Variants in CABIN1 observed in about 807,000 individuals in gnomAD.
The protein encoded by CABIN1 is calcineurin binding protein 1, also known as calcineurin-binding protein cabin-1.
In CABIN1, 133 loss-of-function variants were observed where a neutral mutation model predicts 227.7. The observed-to-expected ratio is 0.58, with a 90% CI of 0.51 to 0.67. The LOEUF (loss-of-function observed/expected upper bound fraction) is 0.67. Ranked by LOEUF, CABIN1 falls within the 30% of genes least tolerant of loss-of-function variation. The probability of loss-of-function intolerance (pLI) is 0.00; values close to 1 mark genes in which losing one functional copy is unlikely to be tolerated. For missense variants in CABIN1, 2,408 were observed against 2,852.5 expected, an observed-to-expected ratio of 0.84 and a Z score of 3.55; for synonymous variants, 1,086 against 1,155.1, an observed-to-expected ratio of 0.94 and a Z score of 1.21.
chr22:24,025,741 C>T, intron 1 of CABIN1, among the ~76,000 whole-genome samples: 1 of 152,248 alleles, frequency 6.6e-6, no homozygotes, highest in African/African-American at 2.4e-5. Context: ...GTGGTGCAAT[C>T]TCAGCTTACT....
At chr22:24,076,029 A>G (rs2040415400) in intron 18 of CABIN1, 140 bp from the exon 19 acceptor site, 2 of 659,094 alleles carry the variant, frequency 3.0e-6, no homozygotes, top group African/African-American at 3.7e-5. Context: ...GCAAAAAAAA[A>G]AAAAAAAGGG....
intron 27 of CABIN1, among the ~76,000 whole-genome samples, chr22:24,118,071 G>T (rs906035477): frequency 1.3e-5 from 2 of 152,224 alleles, no homozygotes; most frequent in Non-Finnish European, 2.9e-5. Flanking sequence ...AGGGTAGGGG[G>T]AGGGGGCAGC....
chr22:24,084,767 T>C lies in CABIN1; in HGVS notation c.3099T>C (p.Ile1033=). 1 of 1,614,174 alleles carries C rather than the reference T, an allele frequency of 6.2e-7. No individual in the cohort carries two copies. The highest frequency in any genetic ancestry group is 8.5e-7 in the Non-Finnish European group (1 of 1,180,022). Residue 1033 remains isoleucine (I), a synonymous_variant, in exon 21 of 37, where the codon ATT becomes ATC. Coordinates refer to ENST00000263119, the MANE Select transcript of CABIN1 (RefSeq NM_012295.4). ...GCCTGGACAAAGTCTCTGCCTACAT[T>C]GAGGGAACTTCAACTGAGGTGGGCC... The part of the protein sequence containing the change: ...ALSLDKVSAY[I]EGTSTEVPCL...
chr22:24,066,411 T>C (rs1006451587), intron 15 of CABIN1, among the ~76,000 whole-genome samples: 1 of 152,236 alleles, frequency 6.6e-6, no homozygotes, highest in Non-Finnish European at 1.5e-5. Context: ...GTGGCCTATA[T>C]GCCAAGTTCC....
chr22:24,025,268 T>C (rs758286795), intron 1 of CABIN1, among the ~76,000 whole-genome samples: 17 of 152,214 alleles, frequency 1.1e-4, no homozygotes, highest in Non-Finnish European at 2.4e-4. Context: ...CACTGTAGAT[T>C]CTGTTCCATT....
rs757525585 is a variant in CABIN1 at position 24,167,126 on chromosome 22, C to A, written c.5495C>A (p.Ala1832Glu). Residue 1832 changes from alanine (A) to glutamate (E), a missense_variant, in exon 32 of 37, where the codon GCA becomes GAA. Coordinates refer to ENST00000263119, the MANE Select transcript of CABIN1 (RefSeq NM_012295.4). ...PAPATTTGTR[A>E]GGHPEEPLSR... ...CCCGCCACCACCACAGGGACCAGGGCAGGGGGCCACCCGGAGGAGCCGCTC... is the reference window on the plus strand; with the variant it reads ...CCCGCCACCACCACAGGGACCAGGGAAGGGGGCCACCCGGAGGAGCCGCTC... 6.3e-7 allele frequency: 1 copy of A among 1,577,500 alleles called. No homozygotes were observed. Among genetic ancestry groups the A allele is most frequent in the African/African-American group, 1.3e-5 (1 of 74,570 alleles).
intron 29 of CABIN1, among the ~76,000 whole-genome samples, chr22:24,152,795 T>G (rs536947618): frequency 5.3e-5 from 8 of 151,986 alleles, no homozygotes; most frequent in African/African-American, 1.9e-4. Context: ...ACTAAAAATA[T>G]AAAAATTAGC....
At position 24,091,717 on chromosome 22, in the gene CABIN1, G is replaced by A; in HGVS notation, c.3660G>A (p.Gln1220=). ...YMLGKVAEKQ[Q]QPPTVYLLHY... is the part of the protein sequence containing the mutation. ...TGGGCAAGGTGGCTGAGAAGCAGCA[G>A]CAGCCACCCACCGTTTACTTGCTGC... Residue 1220 remains glutamine, a synonymous_variant, in exon 24 of 37, where the codon CAG becomes CAA. Transcript: ENST00000263119. 2 of 1,614,162 alleles carry A rather than the reference G, an allele frequency of 1.2e-6. No homozygotes were observed. Among genetic ancestry groups the A allele is most frequent in the African/African-American group, 1.3e-5 (1 of 75,054 alleles).
rs2037541850 is a variant in CABIN1, at chr22:24,042,946, A to G, written c.388A>G (p.Ile130Val). The G allele has an allele frequency of 1.9e-6, 3 of 1,611,480 alleles. No homozygotes were observed. The highest frequency in any genetic ancestry group is 2.5e-6 in the Non-Finnish European group (3 of 1,179,530). The change falls in exon 6 of 37, where the codon ATT (isoleucine) becomes GTT (valine). Residue 130 changes from isoleucine to valine, a missense_variant. Transcript: ENST00000263119. ...DSTDVNLWYK[I>V]GHVALRLIRI... ...CACAGATGTCAACCTCTGGTATAAG[A>G]TTGGACATGTGGCCCTGAGGCTCAT...
intron 1 of CABIN1, among the ~76,000 whole-genome samples, chr22:24,021,064 A>G (rs999627082): frequency 4.0e-5 from 6 of 151,338 alleles, no homozygotes; most frequent in Non-Finnish European, 7.4e-5. Context: ...CAGTGGTGTG[A>G]TCATGGCTCA....
intron 29 of CABIN1, among the ~76,000 whole-genome samples, chr22:24,136,545 T>TTTTTTTTTTTTTTTTTTTTTC (rs1238007477): frequency 6.9e-6 from 1 of 145,460 alleles, no homozygotes; most frequent in African/African-American, 2.6e-5. Flanking sequence ...TTTTTTTTTT[T>TTTTTTTTTTTTTTTTTTTTTC]TTTAGAGACA....
intron 1 of CABIN1, among the ~76,000 whole-genome samples, chr22:24,020,871 A>C (rs943500009): frequency 1.3e-5 from 2 of 152,078 alleles, no homozygotes; most frequent in African/African-American, 2.4e-5. Context: ...TGCTGTGAGC[A>C]CTGGAGAAGA....
intron 20 of CABIN1, 48 bp downstream of exon 20, chr22:24,083,437 A>G: frequency 6.2e-7 from 1 of 1,605,556 alleles, no homozygotes; most frequent in Non-Finnish European, 8.5e-7. Flanking sequence ...AGGAGCTGTA[A>G]GCTCTTTTGA....
chr22:24,049,390 TTGA>T (rs1465633597), intron 7 of CABIN1, among the ~76,000 whole-genome samples, 170 bp downstream of exon 7: 1 of 152,140 alleles, frequency 6.6e-6, no homozygotes, highest in Non-Finnish European at 1.5e-5. Flanking sequence ...GACTGCCTTG[TTGA>T]TCACCCACCT....
At position 24,060,029 on chromosome 22, in the gene CABIN1, G is replaced by A; in HGVS notation, c.1505G>A (p.Arg502Lys). ...GCCATGGGCCACAAGTTCTTGGTAA[G>A]GTGGCCTCCAGGCTTGGCGGAGGTC... is the stretch of plus-strand genomic sequence containing the variant. ...LKAMGHKFLV[R>K]WPPGLAEVVL... is the part of the protein sequence containing the mutation. The change falls in exon 12 of 37, where the codon AGG becomes AAG. Residue 502 changes from arginine to lysine, a missense_variant. Arg to Lys is a conservative substitution (Grantham distance 26, BLOSUM62 2). This residue lies in a region of CABIN1 where 1,045 missense variants were observed against 1,168.4 expected (regional missense o/e 0.89). Transcript: ENST00000263119. 1 of 1,614,194 alleles carries A rather than the reference G, an allele frequency of 6.2e-7. No homozygotes were observed. The highest frequency in any genetic ancestry group is 2.2e-5 in the East Asian group (1 of 44,886).
intron 34 of CABIN1, 31 bp downstream of exon 34, chr22:24,172,026 C>T: frequency 6.3e-7 from 1 of 1,594,190 alleles, no homozygotes; most frequent in Non-Finnish European, 8.5e-7. Flanking sequence ...GAGCTGGGCC[C>T]AGGCCCCTGC....
chr22:24,044,715 A>G (rs1164258710), intron 6 of CABIN1, among the ~76,000 whole-genome samples: 1 of 152,172 alleles, frequency 6.6e-6, no homozygotes, highest in African/African-American at 2.4e-5. Flanking sequence ...CATAGACGTA[A>G]TTCAGCCAAG....
At chr22:24,087,143 C>T (rs1396761736) in intron 22 of CABIN1, among the ~76,000 whole-genome samples, 1 of 152,204 alleles carries the variant, frequency 6.6e-6, no homozygotes, top group African/African-American at 2.4e-5. Context: ...AAGAGCTCAT[C>T]CATTAGAGTA....
At chr22:24,050,299 G>T (rs1014275278) in intron 7 of CABIN1, among the ~76,000 whole-genome samples, 1 of 152,190 alleles carries the variant, frequency 6.6e-6, no homozygotes, top group South Asian at 2.1e-4. Context: ...GTGTAACCCT[G>T]CTGGGAAGCA....
Sources: allele counts gnomAD v4.1 joint callset (sites outside exome capture counted in the v4.1 genomes callset), GRCh38; gene constraint gnomAD v4.1.1; regional missense constraint gnomAD v4.1.1; transcripts MANE v1.5; gene names NCBI Gene and HGNC (gene_info 2026-07-23, HGNC 2026-07-21).